TNRC6B: variants seen among roughly 807,000 people sequenced by gnomAD.
TNRC6B encodes the protein trinucleotide repeat containing adaptor 6B.
Under a neutral mutation model 203.6 loss-of-function variants are expected in TNRC6B, and 52 were observed. That is an observed-to-expected ratio of 0.26 (90% CI 0.20 to 0.32). The LOEUF is 0.32. Ranked by LOEUF, TNRC6B falls within the 10% of genes least tolerant of loss-of-function variation. The probability of loss-of-function intolerance (pLI) is 1.00; values close to 1 mark genes in which losing one functional copy is unlikely to be tolerated. For missense variants in TNRC6B, 1,923 were observed against 2,286.2 expected, an observed-to-expected ratio of 0.84 and a Z score of 3.24; for synonymous variants, 838 against 845.7, an observed-to-expected ratio of 0.99 and a Z score of 0.16.
At chr22:40,067,059 A>G (rs1296509062) in intron 1 of TNRC6B, among the ~76,000 whole-genome samples, 1 of 151,994 alleles carries the variant, frequency 6.6e-6, no homozygotes, top group Non-Finnish European at 1.5e-5. Flanking sequence ...ACATGCCACC[A>G]TGCCCAGTTA....
chr22:40,158,020 G>A (rs894626520), intron 4 of TNRC6B, among the ~76,000 whole-genome samples: 2 of 152,068 alleles, frequency 1.3e-5, no homozygotes, highest in African/African-American at 2.4e-5. Flanking sequence ...TAAAACTGCA[G>A]TTGTCAAAAT....
At chr22:40,307,789 C>A (rs1288157172) in intron 15 of TNRC6B, among the ~76,000 whole-genome samples, 1 of 152,216 alleles carries the variant, frequency 6.6e-6, no homozygotes, top group African/African-American at 2.4e-5. Flanking sequence ...CCACCCCACA[C>A]TCAGGCTGCC....
chr22:40,256,916 C>A (rs1274879154), intron 3 of TNRC6B, among the ~76,000 whole-genome samples: 1 of 152,134 alleles, frequency 6.6e-6, no homozygotes. Context: ...CAACAAAGAT[C>A]ACTAGTGACT....
intron 1 of TNRC6B, among the ~76,000 whole-genome samples, chr22:40,206,181 T>C (rs116980822): frequency 1.3e-5 from 2 of 152,304 alleles, no homozygotes; most frequent in East Asian, 3.9e-4. Flanking sequence ...ACATATTAGA[T>C]ATTAATATAG....
intron 1 of TNRC6B, among the ~76,000 whole-genome samples, chr22:40,091,403 C>T (rs1386423960): frequency 5.9e-5 from 9 of 151,688 alleles, no homozygotes; most frequent in Admixed American, 2.0e-4. Flanking sequence ...GTACCACCAT[C>T]GGGTACAGTT....
At chr22:40,313,305 A>G (rs2071211420) in intron 19 of TNRC6B, among the ~76,000 whole-genome samples, 1 of 152,216 alleles carries the variant, frequency 6.6e-6, no homozygotes, top group African/African-American at 2.4e-5. Flanking sequence ...AAGGCTGCCA[A>G]GAAGTCAAGG....
intron 1 of TNRC6B, among the ~76,000 whole-genome samples, chr22:40,191,885 G>C (rs1449863650): frequency 6.6e-6 from 1 of 152,204 alleles, no homozygotes; most frequent in East Asian, 1.9e-4. Context: ...CCAGTAGCTG[G>C]GATTACAGGC....
intron 1 of TNRC6B, among the ~76,000 whole-genome samples, chr22:40,197,240 G>A (rs1247893252): frequency 6.6e-6 from 1 of 152,116 alleles, no homozygotes; most frequent in Admixed American, 6.6e-5. Context: ...TGCAGAATAG[G>A]AGGTCTTTGG....
At chr22:40,291,446 TAAAG>T (rs1463185719) in intron 12 of TNRC6B, among the ~76,000 whole-genome samples, 1 of 152,134 alleles carries the variant, frequency 6.6e-6, no homozygotes, top group Non-Finnish European at 1.5e-5. Context: ...AACAAATTCT[TAAAG>T]AAACCTCCAA....
chr22:40,281,011 A>T, intron 10 of TNRC6B, 108 bp from the exon 11 acceptor site: 2 of 942,466 alleles, frequency 2.1e-6, no homozygotes, highest in Non-Finnish European at 3.1e-6. Flanking sequence ...TATTGCTAAT[A>T]CACTCTAACT....
At chr22:40,233,378 CT>C (rs561738654) in intron 1 of TNRC6B, among the ~76,000 whole-genome samples, 245 of 151,676 alleles carry the variant, frequency 1.6e-3, no homozygotes, top group Non-Finnish European at 2.2e-3. Flanking sequence ...AATCCCAGCA[CT>C]TTGGGAGGCC....
intron 1 of TNRC6B, among the ~76,000 whole-genome samples, chr22:40,090,621 A>G (rs1282084260): frequency 3.9e-5 from 6 of 152,082 alleles, no homozygotes; most frequent in African/African-American, 1.4e-4. Flanking sequence ...ATTTTCTCCC[A>G]GTCTTTGACT....
At chr22:40,133,888 T>G (rs1360358677) in intron 3 of TNRC6B, among the ~76,000 whole-genome samples, 1 of 143,898 alleles carries the variant, frequency 6.9e-6, no homozygotes, top group African/African-American at 2.6e-5. Flanking sequence ...GAGAAGCACT[T>G]GAACCCAGGA....
chr22:40,248,460 G>T (rs1449147070), intron 2 of TNRC6B, among the ~76,000 whole-genome samples: 1 of 152,226 alleles, frequency 6.6e-6, no homozygotes, highest in East Asian at 1.9e-4. Context: ...GATTTAGAGA[G>T]TATATATTCC....
At chr22:40,230,189 A>G (rs1355723798) in intron 1 of TNRC6B, among the ~76,000 whole-genome samples, 2 of 151,710 alleles carry the variant, frequency 1.3e-5, no homozygotes, top group African/African-American at 2.4e-5. Flanking sequence ...TTTTTTCATA[A>G]TCACTAAAGA....
At chr22:40,316,306 A>G (rs1464464799) in intron 21 of TNRC6B, among the ~76,000 whole-genome samples, 1 of 151,008 alleles carries the variant, frequency 6.6e-6, no homozygotes, top group Admixed American at 6.6e-5. Context: ...GTGAGCCAAG[A>G]TTGCGCTAGT....
chr22:40,153,873 TA>T (rs1175006997), intron 3 of TNRC6B, among the ~76,000 whole-genome samples: 1 of 150,860 alleles, frequency 6.6e-6, no homozygotes, highest in Non-Finnish European at 1.5e-5. Flanking sequence ...AATTTTTAAA[TA>T]AAATTAGTAA....
intron 7 of TNRC6B, among the ~76,000 whole-genome samples, chr22:40,276,215 C>T (rs1047841572): frequency 1.3e-5 from 2 of 151,358 alleles, no homozygotes; most frequent in Non-Finnish European, 2.9e-5. Context: ...GGCATGGTGG[C>T]GGGTGCCTGT....
At chr22:40,222,210 T>C (rs76633639) in intron 1 of TNRC6B, among the ~76,000 whole-genome samples, 1,601 of 152,270 alleles carry the variant, frequency 0.011, 23 homozygotes, top group African/African-American at 0.037. Context: ...GAGGGTTTAA[T>C]TGATGGCCAC....
Sources: gnomAD v4.1 joint callset for allele counts (sites outside exome capture counted in the v4.1 genomes callset) on GRCh38, gnomAD v4.1.1 for gene constraint, MANE v1.5 for transcripts, NCBI Gene and HGNC (gene_info 2026-07-23, HGNC 2026-07-21) for gene names.